Variants in RALGAPA1 observed in about 807,000 individuals in gnomAD.
RALGAPA1 encodes the protein ral GTPase-activating protein subunit alpha-1.
A neutral mutation model predicts 269.6 loss-of-function variants in RALGAPA1; 52 were observed. The ratio of observed to expected loss-of-function variants is 0.19; its 90% CI spans 0.15 to 0.24. RALGAPA1 has a LOEUF of 0.24. RALGAPA1 is among the 10% of genes least tolerant of loss of function. The pLI is 1.00. For missense variants in RALGAPA1, 1,917 were observed against 3,013.9 expected (o/e 0.64, Z 8.52); for synonymous variants, 817 against 1,008.3 (o/e 0.81, Z 3.60).
intron 12 of RALGAPA1, among the ~76,000 whole-genome samples, chr14:35,738,303 A>G (rs966943682): frequency 6.6e-6 from 1 of 152,032 alleles, no homozygotes; most frequent in Non-Finnish European, 1.5e-5. Flanking sequence ...ACCATAACAT[A>G]ATTTATATAA....
At chr14:35,623,375 G>A (rs879317047) in intron 35 of RALGAPA1, among the ~76,000 whole-genome samples, 16 of 151,180 alleles carry the variant, frequency 1.1e-4, no homozygotes, top group Non-Finnish European at 1.3e-4. Flanking sequence ...ACACACACAC[G>A]GAGAGTTCTT....
intron 39 of RALGAPA1, chr14:35,564,301 A>C (rs900615793): frequency 3.9e-5 from 6 of 152,186 alleles, no homozygotes; most frequent in African/African-American, 1.4e-4. Context: ...AGATACATAA[A>C]ATTACATAGT....
At chr14:35,803,982 T>G (rs1413150573) in intron 1 of RALGAPA1, among the ~76,000 whole-genome samples, 1 of 151,880 alleles carries the variant, frequency 6.6e-6, no homozygotes, top group Non-Finnish European at 1.5e-5. Context: ...TGTAAAAGAT[T>G]TAAACACAAA....
At chr14:35,545,244 C>T (rs2054348093) in intron 41 of RALGAPA1, among the ~76,000 whole-genome samples, 1 of 151,812 alleles carries the variant, frequency 6.6e-6, no homozygotes, top group African/African-American at 2.4e-5. Context: ...AAAAAGGTTA[C>T]CTAAAGCAAT....
At chr14:35,648,823 G>C (rs1369152438) in intron 31 of RALGAPA1, among the ~76,000 whole-genome samples, 2 of 152,028 alleles carry the variant, frequency 1.3e-5, no homozygotes, top group African/African-American at 4.8e-5. Context: ...TAAAGTCTGA[G>C]ATCAAAAAAG....
chr14:35,748,959 G>A, intron 9 of RALGAPA1, 135 bp from the exon 10 acceptor site: 1 of 1,334,376 alleles, frequency 7.5e-7, no homozygotes, highest in Non-Finnish European at 9.7e-7. Flanking sequence ...TTAAACTCCG[G>A]GCATAGAGTT....
At chr14:35,765,910 C>T (rs2074102913) in intron 4 of RALGAPA1, 2 of 1,135,622 alleles carry the variant, frequency 1.8e-6, no homozygotes, top group Admixed American at 1.9e-5. Flanking sequence ...GATGAGTTTG[C>T]TATGAGATCT....
intron 30 of RALGAPA1, among the ~76,000 whole-genome samples, chr14:35,653,791 T>C (rs906739399): frequency 4.6e-5 from 7 of 152,040 alleles, no homozygotes; most frequent in Non-Finnish European, 1.0e-4. Flanking sequence ...ACGTCAGGTG[T>C]TGCAGGAAGC....
chr14:35,634,022 A>ATTT (rs1273490792), intron 33 of RALGAPA1, among the ~76,000 whole-genome samples: 23 of 152,178 alleles, frequency 1.5e-4, no homozygotes, highest in African/African-American at 4.8e-4. Context: ...ACAAATAAGA[A>ATTT]AACAGATATT....
At chr14:35,642,390 T>C (rs190263157) in intron 31 of RALGAPA1, among the ~76,000 whole-genome samples, 1 of 151,994 alleles carries the variant, frequency 6.6e-6, no homozygotes, top group Admixed American at 6.5e-5. Flanking sequence ...CAAACAACAC[T>C]ACAGAAAAAA....
intron 16 of RALGAPA1, among the ~76,000 whole-genome samples, chr14:35,718,594 T>G (rs1226836928): frequency 6.6e-6 from 1 of 152,064 alleles, no homozygotes; most frequent in Non-Finnish European, 1.5e-5. Context: ...GGTGGGCGGA[T>G]CACCTAAAGT....
At chr14:35,757,881 G>A (rs1385420768) in intron 6 of RALGAPA1, among the ~76,000 whole-genome samples, 5 of 152,126 alleles carry the variant, frequency 3.3e-5, no homozygotes, top group Non-Finnish European at 7.4e-5. Context: ...TACATGGTAT[G>A]TTATTCTGCC....
intron 26 of RALGAPA1, among the ~76,000 whole-genome samples, chr14:35,668,408 G>A (rs1398609962): frequency 6.6e-6 from 1 of 152,074 alleles, no homozygotes. Flanking sequence ...ACTTGAACCT[G>A]GGAGGCAGAG....
At chr14:35,722,974 G>A in intron 15 of RALGAPA1, 53 bp downstream of exon 15, 1 of 1,091,736 alleles carries the variant, frequency 9.2e-7, no homozygotes, top group Non-Finnish European at 1.3e-6. Flanking sequence ...GGTTTTCCCT[G>A]ACTCAATTAT....
rs1566650066 is a variant in RALGAPA1, at chr14:35,548,528, TA to T, written c.*2del. On this transcript the variant is annotated 3_prime_UTR_variant, in exon 41 of 42. Transcript: ENST00000680220. ...CTTACCTTCAGATAAACAGAACTGA[TA>T]TTTAATGATCTAAAGAGGGAAAATA... 6.3e-7 allele frequency: 1 copy of T among 1,579,944 alleles called. No homozygotes were observed. The highest frequency in any genetic ancestry group is 8.6e-7 in the Non-Finnish European group (1 of 1,158,336).
At chr14:35,673,133 G>A in intron 24 of RALGAPA1, 111 bp from the exon 25 acceptor site, 1 of 1,151,134 alleles carries the variant, frequency 8.7e-7, no homozygotes, top group Non-Finnish European at 1.1e-6. Context: ...TTCCATGTTG[G>A]CCCAATTTCT....
chr14:35,762,701 T>C lies in RALGAPA1; in HGVS notation c.369+9A>G, dbSNP rs780418758. 31 of 1,481,610 alleles carry C rather than the reference T, an allele frequency of 2.1e-5. No individual in the cohort carries two copies. The Middle Eastern group carries it at 5.2e-4, about 25-fold the overall frequency. The allele number at this position is 1,481,610 out of a possible 1,614,324, so 91.8% of individuals were successfully genotyped here. On this transcript the variant is annotated intron_variant, in intron 5 of 41. Coordinates refer to ENST00000680220, the MANE Select transcript of RALGAPA1 (RefSeq NM_001346249.2). ...TTTTTAAAGTCATGGAAAGTAAACA[T>C]AGTTGTACCTTTAAGGAGTTTCCTG...
At chr14:35,726,116 T>C (rs1273770750) in intron 13 of RALGAPA1, among the ~76,000 whole-genome samples, 1 of 152,180 alleles carries the variant, frequency 6.6e-6, no homozygotes, top group East Asian at 1.9e-4. Context: ...ATTCCAGGCA[T>C]AGCGATACGT....
At position 35,689,427 on chromosome 14, in the gene RALGAPA1, A is replaced by G. The variant is rs537606828; in HGVS notation, c.2984T>C (p.Ile995Thr). Residue 995 changes from isoleucine (I) to threonine (T), a missense_variant, in exon 18 of 42, where the codon ATC (isoleucine) becomes ACC (threonine). Physicochemically the swap from Ile to Thr is moderately conservative, Grantham distance 89. Transcript: ENST00000680220. Reference sequence around the variant, plus strand: ...TTCAGGAGTCCCAACAAAAGAGGTGATATTTTCTGATTCAGTTTCCTGATC... The same window carrying G: ...TTCAGGAGTCCCAACAAAAGAGGTGGTATTTTCTGATTCAGTTTCCTGATC... The part of the protein sequence containing the change: ...CTDQETESEN[I>T]TSFVGTPENL... The G allele has an allele frequency of 8.1e-7, 1 of 1,232,226 alleles. No homozygotes were observed. The highest frequency in any genetic ancestry group is 1.5e-5 in the African/African-American group (1 of 64,522). The allele number at this position is 1,232,226 out of a possible 1,614,324, so 76.3% of individuals were successfully genotyped here.
Sources: gnomAD v4.1 joint callset for allele counts (sites outside exome capture counted in the v4.1 genomes callset) on GRCh38, gnomAD v4.1.1 for gene constraint, MANE v1.5 for transcripts, NCBI Gene and HGNC (gene_info 2026-07-23, HGNC 2026-07-21) for gene names.